DYM: variants seen among roughly 807,000 people sequenced by gnomAD.
DYM encodes the protein dyggve-Melchior-Clausen syndrome protein.
In DYM, 78 loss-of-function variants were observed where a neutral mutation model predicts 93.1. That is an observed-to-expected ratio of 0.84 (90% CI 0.70 to 1.01). DYM has a LOEUF of 1.01. Ranked by LOEUF, DYM falls within the 50% of genes least tolerant of loss-of-function variation. The pLI, the probability that DYM is intolerant of heterozygous loss-of-function variation, is 0.00. For synonymous variants in DYM, 321 were observed against 319.7 expected, an observed-to-expected ratio of 1.00 and a Z score of -0.04; for missense variants, 789 against 845.0, an observed-to-expected ratio of 0.93 and a Z score of 0.82.
chr18:49,069,583 T>C (rs1306147249), intron 17 of DYM, among the ~76,000 whole-genome samples: 2 of 152,240 alleles, frequency 1.3e-5, no homozygotes, highest in Non-Finnish European at 2.9e-5. Flanking sequence ...AAACAACACA[T>C]ATACTTATAA....
chr18:49,114,670 C>CGTGT (rs373883570), intron 16 of DYM: 56 of 612,720 alleles, frequency 9.1e-5, no homozygotes, highest in African/African-American at 6.9e-4. Flanking sequence ...CTTTTTCTTT[C>CGTGT]GTGTGTGTGT....
chr18:49,445,927 T>C (rs529456994), intron 1 of DYM, among the ~76,000 whole-genome samples: 4 of 152,126 alleles, frequency 2.6e-5, no homozygotes, highest in Non-Finnish European at 2.9e-5. Flanking sequence ...CATAATAATA[T>C]AAAAGCTAAA....
At chr18:49,110,995 T>C (rs954872685) in intron 16 of DYM, among the ~76,000 whole-genome samples, 4 of 152,226 alleles carry the variant, frequency 2.6e-5, no homozygotes, top group African/African-American at 9.6e-5. Context: ...TAGCAATTCT[T>C]TGTCTGTCAC....
At chr18:49,227,435 T>C (rs1341417964) in intron 13 of DYM, among the ~76,000 whole-genome samples, 1 of 152,180 alleles carries the variant, frequency 6.6e-6, no homozygotes, top group Non-Finnish European at 1.5e-5. Flanking sequence ...TAAAGTCTAT[T>C]GGAGTCATTA....
intron 13 of DYM, among the ~76,000 whole-genome samples, chr18:49,239,483 T>C (rs1003799954): frequency 6.6e-6 from 1 of 152,250 alleles, no homozygotes; most frequent in Non-Finnish European, 1.5e-5. Flanking sequence ...CTCTTGAATC[T>C]GGGCTGGTCT....
At chr18:49,123,749 C>T (rs2082575456) in intron 15 of DYM, among the ~76,000 whole-genome samples, 1 of 152,158 alleles carries the variant, frequency 6.6e-6, no homozygotes, top group South Asian at 2.1e-4. Context: ...GATGAGACTT[C>T]AAATTTGGAA....
At chr18:49,062,886 T>C (rs1239658854) in intron 17 of DYM, among the ~76,000 whole-genome samples, 1 of 152,178 alleles carries the variant, frequency 6.6e-6, no homozygotes, top group African/African-American at 2.4e-5. Flanking sequence ...GAAATGGATG[T>C]CGTGATGGGA....
Position 49,146,521 on chromosome 18 carries a change from A to C in DYM, c.1728+17164T>G, listed in dbSNP as rs561438233. Among the ~76,000 whole-genome samples the C allele has an allele frequency of 1.8e-4, 27 of 152,364 alleles. No individual in the cohort carries two copies. The East Asian group carries it at 5.0e-3, about 28-fold the overall frequency. ...GTCTCAGGTTACAAAATCAATGTGC[A>C]AAAATCACAAGCATTCTTATACACC... On this transcript the variant is annotated intron_variant, in intron 15 of 17. Coordinates refer to ENST00000675505, the MANE Select transcript of DYM (RefSeq NM_001353214.3).
chr18:49,406,545 A>T (rs111504734), intron 2 of DYM, among the ~76,000 whole-genome samples: 13,907 of 152,186 alleles, frequency 0.091, 857 homozygotes, highest in East Asian at 0.31. Context: ...TGAGTGATAG[A>T]GTGAGACTCT....
chr18:49,282,249 G>T, intron 9 of DYM, 74 bp from the exon 10 acceptor site: 1 of 1,291,220 alleles, frequency 7.7e-7, no homozygotes, highest in Non-Finnish European at 1.1e-6. Context: ...TTAAAGTAAT[G>T]TGTACAACTC....
intron 1 of DYM, among the ~76,000 whole-genome samples, chr18:49,441,151 TA>T (rs1395374527): frequency 1.8e-4 from 3 of 16,316 alleles, no homozygotes; most frequent in East Asian, 0.013. Context: ...TTATATAATA[TA>T]ATATATATTA....
intron 17 of DYM, among the ~76,000 whole-genome samples, chr18:49,068,741 T>C (rs1048988477): frequency 2.0e-5 from 3 of 152,188 alleles, no homozygotes; most frequent in East Asian, 3.8e-4. Context: ...CTCAGCAGAA[T>C]AAAAGAGTGG....
At chr18:49,357,106 A>G (rs994009998) in intron 6 of DYM, among the ~76,000 whole-genome samples, 3 of 152,188 alleles carry the variant, frequency 2.0e-5, no homozygotes, top group African/African-American at 7.2e-5. Context: ...ATACCTAAGA[A>G]GTCCCTATCC....
At chr18:49,335,144 T>G (rs998240988) in intron 6 of DYM, among the ~76,000 whole-genome samples, 3 of 151,962 alleles carry the variant, frequency 2.0e-5, no homozygotes, top group South Asian at 2.1e-4. Flanking sequence ...GAAATATATT[T>G]AAAAATGACA....
intron 17 of DYM, among the ~76,000 whole-genome samples, chr18:49,094,213 T>A (rs1320452542): frequency 6.6e-6 from 1 of 152,104 alleles, no homozygotes; most frequent in Non-Finnish European, 1.5e-5. Flanking sequence ...CCCAACATAA[T>A]AAAATCTGAG....
chr18:49,363,024 G>T (rs1303082388), intron 6 of DYM, 137 bp downstream of exon 6: 1 of 705,440 alleles, frequency 1.4e-6, no homozygotes. Context: ...AGAGAGAAAA[G>T]AACTCTGTGG....
intron 17 of DYM, among the ~76,000 whole-genome samples, chr18:49,064,437 A>G (rs1176894713): frequency 1.3e-5 from 2 of 152,182 alleles, no homozygotes; most frequent in African/African-American, 4.8e-5. Context: ...TTCACATCAA[A>G]CATAATTCTG....
chr18:49,146,377 T>G (rs1301584984), intron 15 of DYM, among the ~76,000 whole-genome samples: 1 of 152,192 alleles, frequency 6.6e-6, no homozygotes, highest in African/African-American at 2.4e-5. Flanking sequence ...ATAAAGGGTA[T>G]TCAATTCGGA....
chr18:49,316,465 C>T (rs2061948127), intron 8 of DYM, among the ~76,000 whole-genome samples: 1 of 152,076 alleles, frequency 6.6e-6, no homozygotes, highest in Non-Finnish European at 1.5e-5. Context: ...AAAAACATCA[C>T]GTAAAAAGAT....
Sources: allele counts gnomAD v4.1 joint callset (sites outside exome capture counted in the v4.1 genomes callset), GRCh38; gene constraint gnomAD v4.1.1; transcripts MANE v1.5; gene names NCBI Gene and HGNC (gene_info 2026-07-23, HGNC 2026-07-21).